The following NDUFAF2 variants were observed in gnomAD, a reference collection of about 807,000 sequenced individuals.
The protein encoded by NDUFAF2 is NADH dehydrogenase [ubiquinone] 1 alpha subcomplex assembly factor 2.
A neutral mutation model predicts 22.8 loss-of-function variants in NDUFAF2; 13 were observed. The ratio of observed to expected loss-of-function variants is 0.57; its 90% CI spans 0.37 to 0.91. The LOEUF (loss-of-function observed/expected upper bound fraction) is 0.91, where lower values mean the gene tolerates loss of function less well. Ranked by LOEUF, NDUFAF2 falls within the 40% of genes least tolerant of loss-of-function variation. NDUFAF2 has a pLI of 0.01. For missense variants in NDUFAF2, 162 were observed against 195.2 expected, an observed-to-expected ratio of 0.83 and a Z score of 1.01; for synonymous variants, 53 against 64.2, an observed-to-expected ratio of 0.83 and a Z score of 0.84.
intron 3 of NDUFAF2, among the ~76,000 whole-genome samples, chr5:61,101,620 T>C (rs1752706549): frequency 6.6e-6 from 1 of 152,110 alleles, no homozygotes; most frequent in Non-Finnish European, 1.5e-5. Context: ...AACTAGATTT[T>C]TTTTCCAGAT....
At chr5:61,128,988 T>C (rs908140701) in intron 3 of NDUFAF2, among the ~76,000 whole-genome samples, 7 of 152,132 alleles carry the variant, frequency 4.6e-5, no homozygotes, top group Admixed American at 3.9e-4. Context: ...GGGCAAAGTA[T>C]ATGAACAGAC....
rs895161307 is a variant in NDUFAF2 at position 60,962,649 on chromosome 5, G to A, written c.127+17267G>A. On this transcript the variant is annotated intron_variant, in intron 1 of 3. Transcript: ENST00000296597. ...AGATCGAGACCATCCTGGCTAACACGGTGAAACCCCATCTCTACTAAAAAA... is the reference window on the plus strand; with the variant it reads ...AGATCGAGACCATCCTGGCTAACACAGTGAAACCCCATCTCTACTAAAAAA... 3.9e-5 allele frequency among the ~76,000 whole-genome samples: 6 copies of A among 151,900 alleles called. No homozygotes were observed. The East Asian group carries it at 9.9e-4, about 25-fold the overall frequency.
intron 2 of NDUFAF2, among the ~76,000 whole-genome samples, chr5:61,092,315 C>T (rs1752578881): frequency 6.6e-6 from 1 of 152,012 alleles, no homozygotes; most frequent in Admixed American, 6.6e-5. Context: ...GGCAGTATGG[C>T]CATTTTAGCA....
intron 1 of NDUFAF2, among the ~76,000 whole-genome samples, chr5:60,999,271 C>G (rs1440398269): frequency 1.3e-5 from 2 of 151,940 alleles, no homozygotes; most frequent in Non-Finnish European, 2.9e-5. Flanking sequence ...CACAAATGTT[C>G]GTAGCTTCAC....
intron 1 of NDUFAF2, among the ~76,000 whole-genome samples, chr5:60,992,824 G>C (rs1379155326): frequency 2.0e-5 from 3 of 151,812 alleles, no homozygotes; most frequent in Admixed American, 2.0e-4. Context: ...TTTTCCTTTA[G>C]TGCTTTAAAT....
intron 3 of NDUFAF2, among the ~76,000 whole-genome samples, chr5:61,125,037 A>G (rs1753018602): frequency 6.6e-6 from 1 of 152,002 alleles, no homozygotes; most frequent in South Asian, 2.1e-4. Flanking sequence ...CACAATCATG[A>G]GAACAGCATG....
chr5:61,083,738 A>AT (rs1384108899), intron 2 of NDUFAF2, among the ~76,000 whole-genome samples: 3 of 151,548 alleles, frequency 2.0e-5, no homozygotes, highest in African/African-American at 4.8e-5. Context: ...GTGTTTCTTG[A>AT]TTTTTTTGGT....
intron 1 of NDUFAF2, among the ~76,000 whole-genome samples, chr5:61,005,761 A>C (rs1751358286): frequency 6.6e-6 from 1 of 152,062 alleles, no homozygotes; most frequent in Non-Finnish European, 1.5e-5. Context: ...GTCTGTTCAT[A>C]TCGTTTGCCC....
At chr5:60,960,410 C>G (rs1411276268) in intron 1 of NDUFAF2, among the ~76,000 whole-genome samples, 2 of 152,166 alleles carry the variant, frequency 1.3e-5, no homozygotes, top group Non-Finnish European at 2.9e-5. Context: ...AGCTATGAAA[C>G]TCAATTTGCA....
chr5:61,064,537 CA>C (rs1752205802), intron 1 of NDUFAF2, among the ~76,000 whole-genome samples: 1 of 151,992 alleles, frequency 6.6e-6, no homozygotes. Context: ...AGTATTGTTT[CA>C]AACTACAGTG....
intron 1 of NDUFAF2, among the ~76,000 whole-genome samples, chr5:61,010,095 G>A (rs368319606): frequency 6.6e-6 from 1 of 151,840 alleles, no homozygotes; most frequent in African/African-American, 2.4e-5. Flanking sequence ...CTCTACCCTG[G>A]TCTAGTCATC....
rs1370858189 is a variant in NDUFAF2 at position 61,073,110 on chromosome 5, A to G, written c.128-15A>G. The G allele has an allele frequency of 6.6e-7, 1 of 1,523,508 alleles. No individual in the cohort carries two copies. Among genetic ancestry groups the G allele is most frequent in the Admixed American group, 1.7e-5 (1 of 59,868 alleles). The allele number at this position is 1,523,508 out of a possible 1,614,324, so 94.4% of individuals were successfully genotyped here. ...AGGTTCATTTAAAAATGTATTAATG[A>G]CTTTTGTCTTATAGGACAAACTATT... is the stretch of plus-strand genomic sequence containing the variant. On this transcript the variant is annotated splice_polypyrimidine_tract_variant and intron_variant, in intron 1 of 3. Coordinates refer to ENST00000296597, the MANE Select transcript of NDUFAF2 (RefSeq NM_174889.5).
intron 1 of NDUFAF2, among the ~76,000 whole-genome samples, chr5:61,060,807 T>G (rs1329949002): frequency 2.0e-5 from 3 of 152,160 alleles, no homozygotes; most frequent in Non-Finnish European, 4.4e-5. Flanking sequence ...TATATGCTTG[T>G]GGGTTACAGC....
intron 1 of NDUFAF2, among the ~76,000 whole-genome samples, chr5:61,056,919 AATATATAT>A (rs1174310851): frequency 0.015 from 432 of 28,786 alleles, 10 homozygotes; most frequent in Middle Eastern, 0.028. Context: ...AAAAAAAAAA[AATATATAT>A]ATATATATAT....
At chr5:61,036,969 G>A (rs955027532) in intron 1 of NDUFAF2, among the ~76,000 whole-genome samples, 2 of 152,110 alleles carry the variant, frequency 1.3e-5, no homozygotes, top group African/African-American at 4.8e-5. Flanking sequence ...ATCTGGAGAA[G>A]CAAATAGCAC....
intron 2 of NDUFAF2, among the ~76,000 whole-genome samples, chr5:61,084,482 T>C (rs890592361): frequency 6.6e-6 from 1 of 152,156 alleles, no homozygotes; most frequent in African/African-American, 2.4e-5. Context: ...TTTCCTCCTT[T>C]CTCCCAGTCT....
intron 1 of NDUFAF2, among the ~76,000 whole-genome samples, chr5:60,958,370 T>C (rs1043644380): frequency 2.6e-5 from 4 of 152,168 alleles, no homozygotes; most frequent in Non-Finnish European, 5.9e-5. Context: ...TAATCTGAAG[T>C]TTTCATATTT....
chr5:61,129,307 A>C (rs145977740), intron 3 of NDUFAF2, among the ~76,000 whole-genome samples: 2,555 of 152,284 alleles, frequency 0.017, 77 homozygotes, highest in African/African-American at 0.059. Context: ...TACCCAAAGA[A>C]TTATAAATCA....
intron 1 of NDUFAF2, among the ~76,000 whole-genome samples, chr5:61,015,313 G>T (rs1751491798): frequency 6.6e-6 from 1 of 152,062 alleles, no homozygotes. Context: ...ACAGGGTCTT[G>T]CTCTGTTGCC....
Sources: allele counts gnomAD v4.1 joint callset (sites outside exome capture counted in the v4.1 genomes callset), GRCh38; gene constraint gnomAD v4.1.1; transcripts MANE v1.5; gene names NCBI Gene and HGNC (gene_info 2026-07-23, HGNC 2026-07-21).